Variants in SYNPO2 observed in about 807,000 individuals in gnomAD.
SYNPO2 encodes the protein synaptopodin-2.
Under a neutral mutation model 85.0 loss-of-function variants are expected in SYNPO2, and 56 were observed. The observed-to-expected ratio is 0.66, with a 90% CI of 0.53 to 0.82. The LOEUF (loss-of-function observed/expected upper bound fraction) is 0.82. Among genes scored for constraint, SYNPO2 ranks in the 40% least tolerant of loss-of-function variants. SYNPO2 has a pLI of 0.00. For synonymous variants in SYNPO2, 602 were observed against 591.1 expected (o/e 1.02, Z -0.27); for missense variants, 1,575 against 1,534.2 (o/e 1.03, Z -0.44).
intron 1 of SYNPO2, among the ~76,000 whole-genome samples, chr4:118,912,450 G>T (rs1482882964): frequency 6.6e-6 from 1 of 152,088 alleles, no homozygotes; most frequent in East Asian, 1.9e-4. Flanking sequence ...TAAATTGCTG[G>T]GATTATAGGC....
At chr4:118,857,992 T>A (rs1281132502) in intron 1 of SYNPO2, among the ~76,000 whole-genome samples, 1 of 152,252 alleles carries the variant, frequency 6.6e-6, no homozygotes, top group Non-Finnish European at 1.5e-5. Flanking sequence ...TTCATGTTAT[T>A]GAAAAACACA....
chr4:119,040,315 T>G (rs529739370), intron 4 of SYNPO2, among the ~76,000 whole-genome samples: 1 of 152,218 alleles, frequency 6.6e-6, no homozygotes, highest in East Asian at 1.9e-4. Flanking sequence ...GTAGAAGGAG[T>G]GTCGCTATAA....
intron 1 of SYNPO2, among the ~76,000 whole-genome samples, chr4:118,890,916 T>A (rs1256504177): frequency 6.6e-6 from 1 of 151,976 alleles, no homozygotes; most frequent in Non-Finnish European, 1.5e-5. Context: ...GGGGACAGAG[T>A]GGCTGAGTGC....
intron 1 of SYNPO2, among the ~76,000 whole-genome samples, chr4:118,941,127 C>A (rs1253295482): frequency 6.6e-6 from 1 of 152,188 alleles, no homozygotes; most frequent in African/African-American, 2.4e-5. Context: ...ACCTTCCCTC[C>A]AGATTGGATT....
At chr4:118,946,803 C>T (rs1734520589) in intron 1 of SYNPO2, among the ~76,000 whole-genome samples, 2 of 152,134 alleles carry the variant, frequency 1.3e-5, no homozygotes, top group South Asian at 4.1e-4. Context: ...TTCCTAAACA[C>T]CTTATACAAA....
At chr4:118,962,587 TAGG>T (rs1262651345) in intron 1 of SYNPO2, among the ~76,000 whole-genome samples, 1 of 152,202 alleles carries the variant, frequency 6.6e-6, no homozygotes, top group Non-Finnish European at 1.5e-5. Context: ...ACATTTTTAT[TAGG>T]AGAACTTTGA....
chr4:118,878,762 G>A (rs1731977801), intron 1 of SYNPO2, among the ~76,000 whole-genome samples: 1 of 152,174 alleles, frequency 6.6e-6, no homozygotes, highest in African/African-American at 2.4e-5. Flanking sequence ...TCTGTAAAAT[G>A]AACCAATCAG....
At chr4:119,043,729 G>A (rs1034917559) in intron 4 of SYNPO2, 1 of 152,192 alleles carries the variant, frequency 6.6e-6, no homozygotes, top group Non-Finnish European at 1.5e-5. Flanking sequence ...CTTGAGGTCA[G>A]GAGTTTAAGA....
intron 1 of SYNPO2, among the ~76,000 whole-genome samples, chr4:118,900,695 C>CTATATA (rs1348622658): frequency 1.4e-4 from 6 of 42,070 alleles, no homozygotes; most frequent in African/African-American, 2.1e-4. Context: ...CTCTCTCTCT[C>CTATATA]TCTCTCTCTA....
At chr4:119,022,403 G>A (rs1418135310) in intron 1 of SYNPO2, among the ~76,000 whole-genome samples, 1 of 151,548 alleles carries the variant, frequency 6.6e-6, no homozygotes, top group Non-Finnish European at 1.5e-5. Flanking sequence ...CATGATCTTG[G>A]CTCACTGCAA....
chr4:118,854,784 A>G (rs1176961598), intron 1 of SYNPO2, among the ~76,000 whole-genome samples: 1 of 152,206 alleles, frequency 6.6e-6, no homozygotes, highest in Non-Finnish European at 1.5e-5. Context: ...TATAGTTGTC[A>G]AATTTTATAA....
chr4:118,977,146 G>C (rs12500572), intron 1 of SYNPO2, among the ~76,000 whole-genome samples: 2,638 of 152,126 alleles, frequency 0.017, 82 homozygotes, highest in African/African-American at 0.06. Flanking sequence ...GCCCATGGAG[G>C]GGGTGGGAGG....
intron 1 of SYNPO2, among the ~76,000 whole-genome samples, chr4:118,860,754 A>C (rs1731594334): frequency 6.6e-6 from 1 of 151,946 alleles, no homozygotes; most frequent in African/African-American, 2.4e-5. Context: ...ACAGAATTTC[A>C]CCATGTTGGT....
chr4:118,885,049 T>G (rs1361387861), upstream of SYNPO2, among the ~76,000 whole-genome samples: 2 of 152,196 alleles, frequency 1.3e-5, no homozygotes, highest in Non-Finnish European at 2.9e-5. Flanking sequence ...AGGTGATTTA[T>G]GTGTGGACAA....
chr4:119,034,902 G>T (rs559436839), intron 4 of SYNPO2: 1 of 985,502 alleles, frequency 1.0e-6, no homozygotes, highest in Admixed American at 6.1e-5. Context: ...AGCTGTGTTG[G>T]TATTAGCTTG....
intron 4 of SYNPO2, among the ~76,000 whole-genome samples, chr4:119,038,831 T>C (rs1229792918): frequency 1.3e-5 from 2 of 151,896 alleles, no homozygotes; most frequent in African/African-American, 2.4e-5. Context: ...GGAAGATTTC[T>C]CAACAATTAT....
chr4:119,051,862 C>G (rs1409389803), intron 4 of SYNPO2, among the ~76,000 whole-genome samples: 1 of 152,156 alleles, frequency 6.6e-6, no homozygotes, highest in Non-Finnish European at 1.5e-5. Flanking sequence ...TAGCAAATGA[C>G]TTCCACAATT....
intron 1 of SYNPO2, among the ~76,000 whole-genome samples, chr4:118,878,879 T>G (rs982543466): frequency 1.3e-5 from 2 of 152,216 alleles, no homozygotes; most frequent in Non-Finnish European, 2.9e-5. Flanking sequence ...CTTTTCTGTC[T>G]TGTGGATGTT....
At chr4:118,972,840 T>C (rs1160405230) in intron 1 of SYNPO2, among the ~76,000 whole-genome samples, 1 of 152,218 alleles carries the variant, frequency 6.6e-6, no homozygotes, top group African/African-American at 2.4e-5. Flanking sequence ...CTTAATAATT[T>C]CAGTGTCTTT....
Sources: allele counts gnomAD v4.1 joint callset (sites outside exome capture counted in the v4.1 genomes callset), GRCh38; gene constraint gnomAD v4.1.1; transcripts MANE v1.5; gene names NCBI Gene and HGNC (gene_info 2026-07-23, HGNC 2026-07-21).